MACROD2: variants seen among roughly 807,000 people sequenced by gnomAD.
The protein encoded by MACROD2 is mono-ADP ribosylhydrolase 2.
A neutral mutation model predicts 70.4 loss-of-function variants in MACROD2; 36 were observed. The observed-to-expected ratio is 0.51, with a 90% CI of 0.39 to 0.68. The LOEUF is 0.68. Ranked by LOEUF, MACROD2 falls within the 30% of genes least tolerant of loss-of-function variation. The probability of loss-of-function intolerance (pLI) is 0.00; values close to 1 mark genes in which losing one functional copy is unlikely to be tolerated. For missense variants in MACROD2, 496 were observed against 538.4 expected (o/e 0.92, Z 0.78); for synonymous variants, 172 against 178.8 (o/e 0.96, Z 0.30).
intron 4 of MACROD2, among the ~76,000 whole-genome samples, chr20:14,552,520 C>A (rs1978726610): frequency 6.6e-6 from 1 of 151,666 alleles, no homozygotes; most frequent in Admixed American, 6.6e-5. Context: ...TTATTAAAAA[C>A]ACTGTCATAC....
chr20:14,390,448 C>G (rs147048229), intron 3 of MACROD2, among the ~76,000 whole-genome samples: 55 of 152,232 alleles, frequency 3.6e-4, no homozygotes, highest in African/African-American at 1.3e-3. Flanking sequence ...CAATCCTAAG[C>G]AAAAAGAACA....
intron 7 of MACROD2, among the ~76,000 whole-genome samples, chr20:15,457,333 T>C (rs1050696382): frequency 6.6e-6 from 1 of 152,170 alleles, no homozygotes; most frequent in Admixed American, 6.6e-5. Flanking sequence ...TAAAACCTTT[T>C]GCTGTTCAAA....
chr20:15,714,309 A>G (rs1264753666), intron 8 of MACROD2, among the ~76,000 whole-genome samples: 1 of 152,184 alleles, frequency 6.6e-6, no homozygotes, highest in Non-Finnish European at 1.5e-5. Context: ...TGCTCCACTA[A>G]GAAGTCCCTG....
At chr20:14,040,391 T>G (rs1204273305) in intron 2 of MACROD2, among the ~76,000 whole-genome samples, 1 of 152,218 alleles carries the variant, frequency 6.6e-6, no homozygotes, top group African/African-American at 2.4e-5. Context: ...TATAATTTTT[T>G]TAGCTTAATC....
chr20:14,357,051 C>T (rs962747161), intron 3 of MACROD2, among the ~76,000 whole-genome samples: 11 of 152,200 alleles, frequency 7.2e-5, no homozygotes, highest in Admixed American at 3.3e-4. Context: ...CCTACTACTT[C>T]ATGGAGTACT....
intron 5 of MACROD2, among the ~76,000 whole-genome samples, chr20:14,862,640 T>A (rs868008468): frequency 0.011 from 113 of 10,370 alleles, 3 homozygotes; most frequent in African/African-American, 0.034. Context: ...AATATATATA[T>A]AAATATATAT....
chr20:15,305,543 G>C (rs2077689363), intron 6 of MACROD2, among the ~76,000 whole-genome samples: 1 of 152,050 alleles, frequency 6.6e-6, no homozygotes, highest in Admixed American at 6.6e-5. Context: ...TCGAGTTACT[G>C]TGACAGCCTG....
chr20:15,759,116 A>AGC (rs887099569), intron 8 of MACROD2, among the ~76,000 whole-genome samples: 2 of 133,576 alleles, frequency 1.5e-5, no homozygotes, highest in East Asian at 4.8e-4. Context: ...ACTGTACTCC[A>AGC]GCCTGGGTGA....
chr20:15,962,640 T>C (rs1308768177), intron 12 of MACROD2, among the ~76,000 whole-genome samples: 14 of 152,194 alleles, frequency 9.2e-5, no homozygotes, highest in Non-Finnish European at 1.9e-4. Flanking sequence ...ATCCCTAATT[T>C]GAAAATCCAA....
At chr20:15,026,039 A>G (rs1044281223) in intron 5 of MACROD2, among the ~76,000 whole-genome samples, 4 of 152,162 alleles carry the variant, frequency 2.6e-5, no homozygotes, top group African/African-American at 9.7e-5. Flanking sequence ...TGCAACTCAA[A>G]TATTAGTACC....
intron 3 of MACROD2, among the ~76,000 whole-genome samples, chr20:14,373,773 TGCTCACATTTAGGA>T (rs2083347786): frequency 6.6e-6 from 1 of 152,174 alleles, no homozygotes; most frequent in Non-Finnish European, 1.5e-5. Flanking sequence ...ATACAGGAGG[TGCTCACATTTAGGA>T]GTAGTAGCCA....
chr20:15,630,711 C>T (rs975635887), intron 8 of MACROD2, among the ~76,000 whole-genome samples: 2 of 152,192 alleles, frequency 1.3e-5, no homozygotes, highest in African/African-American at 4.8e-5. Context: ...GCCCTTTGGC[C>T]GTGCACAAAA....
rs2084628180 is a variant in MACROD2 at position 14,478,817 on chromosome 20, TTA to T, written c.272-14661_272-14660del. ...AGTGGGCAGTAGTTCTAAGGACAAT[TTA>T]ATTTTCCAAGATTTTTTGGTCTTAT... On this transcript the variant is annotated intron_variant, in intron 3 of 17. Coordinates refer to ENST00000684519, the MANE Select transcript of MACROD2 (RefSeq NM_001351661.2). 2.0e-5 allele frequency among the ~76,000 whole-genome samples: 3 copies of T among 152,170 alleles called. No individual in the cohort carries two copies. In the South Asian group the frequency reaches 6.2e-4, roughly 32 times the overall value.
chr20:14,072,960 A>G (rs1487703285), intron 2 of MACROD2, among the ~76,000 whole-genome samples: 4 of 151,890 alleles, frequency 2.6e-5, no homozygotes, highest in Non-Finnish European at 5.9e-5. Context: ...CATATAGATC[A>G]TGGTAAATGC....
intron 3 of MACROD2, among the ~76,000 whole-genome samples, chr20:14,172,724 C>T (rs1206509302): frequency 6.6e-6 from 1 of 151,926 alleles, no homozygotes; most frequent in Non-Finnish European, 1.5e-5. Context: ...TGGTTTTTTT[C>T]ATTGTGTTTT....
intron 3 of MACROD2, among the ~76,000 whole-genome samples, chr20:14,483,073 C>A (rs776421779): frequency 6.6e-6 from 1 of 152,130 alleles, no homozygotes; most frequent in Non-Finnish European, 1.5e-5. Context: ...TAAATGTAAG[C>A]TATGTTATTT....
At chr20:15,430,603 AT>A (rs1260288586) in intron 6 of MACROD2, among the ~76,000 whole-genome samples, 1 of 151,908 alleles carries the variant, frequency 6.6e-6, no homozygotes, top group Non-Finnish European at 1.5e-5. Flanking sequence ...TTGTCAATTC[AT>A]TTTTTTCAAT....
At chr20:14,044,830 ACTC>A (rs1392091752) in intron 2 of MACROD2, among the ~76,000 whole-genome samples, 1 of 151,972 alleles carries the variant, frequency 6.6e-6, no homozygotes, top group Non-Finnish European at 1.5e-5. Flanking sequence ...GTGTGCTTGC[ACTC>A]CTCAGCCCTT....
intron 8 of MACROD2, among the ~76,000 whole-genome samples, chr20:15,696,197 A>G (rs1426196929): frequency 1.3e-5 from 2 of 152,150 alleles, no homozygotes; most frequent in East Asian, 3.9e-4. Context: ...GATGGCTTTT[A>G]TTACATGAAG....
Sources: gnomAD v4.1 joint callset for allele counts (sites outside exome capture counted in the v4.1 genomes callset) on GRCh38, gnomAD v4.1.1 for gene constraint, MANE v1.5 for transcripts, NCBI Gene and HGNC (gene_info 2026-07-23, HGNC 2026-07-21) for gene names.